The following FAM120B variants were observed in gnomAD, a reference collection of about 807,000 sequenced individuals.
FAM120B encodes family with sequence similarity 120 member B.
FAM120B carries 83 observed loss-of-function variants against 96.3 expected under a neutral mutation model. The observed-to-expected ratio is 0.86, with a 90% CI of 0.72 to 1.03. FAM120B has a LOEUF of 1.03. Ranked by LOEUF, FAM120B falls within the 50% of genes least tolerant of loss-of-function variation. The pLI is 0.00. For missense variants in FAM120B, 1,027 were observed against 1,121.2 expected (o/e 0.92, Z 1.20); for synonymous variants, 407 against 402.7 (o/e 1.01, Z -0.13).
intron 1 of FAM120B, among the ~76,000 whole-genome samples, chr6:170,310,542 T>C (rs1223673248): frequency 1.3e-5 from 2 of 152,216 alleles, no homozygotes; most frequent in South Asian, 2.1e-4. Context: ...CTGCCCTCCT[T>C]GTTAATTACT....
chr6:170,294,802 C>A (rs532612136), upstream of FAM120B, among the ~76,000 whole-genome samples: 1 of 152,286 alleles, frequency 6.6e-6, no homozygotes, highest in East Asian at 1.9e-4. This position sits in a 1 kb window ranked among gnomAD's most constrained non-coding sequence, Gnocchi z 7.9. Context: ...TCTGTGTAAA[C>A]AAGTCTGGAG....
intron 6 of FAM120B, among the ~76,000 whole-genome samples, chr6:170,375,644 TC>T (rs1789464795): frequency 6.6e-6 from 1 of 152,206 alleles, no homozygotes; most frequent in Admixed American, 6.5e-5. Context: ...AAATTTGAAT[TC>T]CTGTGATGTG....
At chr6:170,310,424 C>A (rs1784526683) in intron 1 of FAM120B, among the ~76,000 whole-genome samples, 2 of 152,338 alleles carry the variant, frequency 1.3e-5, no homozygotes, top group South Asian at 4.1e-4. Context: ...GCCCTTGCCC[C>A]ACTGGCAGCA....
intron 6 of FAM120B, among the ~76,000 whole-genome samples, chr6:170,361,236 A>ATATATATG (rs1491466643): frequency 1.2e-5 from 1 of 81,022 alleles, no homozygotes; most frequent in Admixed American, 1.4e-4. Context: ...ATATATATAT[A>ATATATATG]CACGTATATA....
intron 5 of FAM120B, among the ~76,000 whole-genome samples, chr6:170,350,942 T>C (rs1189889139): frequency 6.6e-6 from 1 of 152,166 alleles, no homozygotes; most frequent in Admixed American, 6.5e-5. Flanking sequence ...GAGGCTAAAA[T>C]GCCTAAATCG....
intron 5 of FAM120B, among the ~76,000 whole-genome samples, chr6:170,348,728 C>A (rs570603317): frequency 2.6e-5 from 4 of 152,302 alleles, no homozygotes; most frequent in South Asian, 2.1e-4. Flanking sequence ...TCTCGTAGCT[C>A]TTTGCCTCTG....
chr6:170,309,726 A>T (rs1366382752), intron 1 of FAM120B, among the ~76,000 whole-genome samples: 3 of 152,234 alleles, frequency 2.0e-5, no homozygotes, highest in Non-Finnish European at 2.9e-5. Flanking sequence ...AACCATGGCT[A>T]ACTATGATAA....
chr6:170,380,608 G>A (rs1333457131), intron 6 of FAM120B, among the ~76,000 whole-genome samples: 1 of 152,228 alleles, frequency 6.6e-6, no homozygotes, highest in African/African-American at 2.4e-5. Context: ...ATTAGTGTCG[G>A]ACACCTTGCG....
At chr6:170,358,406 G>A (rs1245116144) in intron 6 of FAM120B, 88 bp downstream of exon 6, 3 of 949,734 alleles carry the variant, frequency 3.2e-6, no homozygotes, top group South Asian at 1.5e-5. Context: ...AAGTTTCACA[G>A]AAAAGATCAG....
At chr6:170,300,538 C>T (rs1385974801) in intron 1 of FAM120B, among the ~76,000 whole-genome samples, 1 of 152,178 alleles carries the variant, frequency 6.6e-6, no homozygotes, top group Non-Finnish European at 1.5e-5. Context: ...GCCCAACGGT[C>T]CCCCAAAGTC....
intron 1 of FAM120B, among the ~76,000 whole-genome samples, chr6:170,315,738 A>T (rs1208916388): frequency 6.6e-6 from 1 of 152,168 alleles, no homozygotes; most frequent in East Asian, 1.9e-4. Flanking sequence ...TAATGTGGCT[A>T]TTAAAAGCAT....
At chr6:170,400,307 G>T (rs969291859) in intron 9 of FAM120B, among the ~76,000 whole-genome samples, 1 of 152,190 alleles carries the variant, frequency 6.6e-6, no homozygotes, top group African/African-American at 2.4e-5. Context: ...GGGGAAGGTA[G>T]AACTATGTCA....
chr6:170,306,471 T>C (rs1784286055), upstream of FAM120B: 2 of 152,190 alleles, frequency 1.3e-5, no homozygotes, highest in Admixed American at 6.5e-5. Context: ...CGCAGGACAG[T>C]GTATGAACAA....
upstream of FAM120B, among the ~76,000 whole-genome samples, chr6:170,304,044 T>C (rs968827643): frequency 5.9e-5 from 9 of 152,226 alleles, no homozygotes; most frequent in Non-Finnish European, 1.0e-4. Context: ...TTCTCCTCTC[T>C]CCTAAGCTGG....
At chr6:170,392,116 T>G (rs1004847262) in intron 8 of FAM120B, among the ~76,000 whole-genome samples, 2 of 152,230 alleles carry the variant, frequency 1.3e-5, no homozygotes, top group African/African-American at 4.8e-5. Flanking sequence ...ATAATCAATT[T>G]TAGGTAAATG....
intron 6 of FAM120B, among the ~76,000 whole-genome samples, chr6:170,376,354 A>C (rs1316800870): frequency 4.6e-5 from 7 of 152,070 alleles, no homozygotes; most frequent in African/African-American, 1.7e-4. Context: ...AATAGATAAG[A>C]ATGAGGTTCA....
chr6:170,291,178 C>T, upstream of FAM120B: 1 of 661,654 alleles, frequency 1.5e-6, no homozygotes, highest in Non-Finnish European at 2.8e-6. Flanking sequence ...TCCCTCACCA[C>T]ACAAAACGCA....
chr6:170,376,938 G>A (rs1406279651), intron 6 of FAM120B, among the ~76,000 whole-genome samples: 22 of 142,832 alleles, frequency 1.5e-4, no homozygotes, highest in African/African-American at 5.9e-4. Context: ...AAACCCAGAC[G>A]CCTGGGAGAG....
chr6:170,334,779 G>T (rs1280441656), intron 4 of FAM120B, among the ~76,000 whole-genome samples: 2 of 152,180 alleles, frequency 1.3e-5, no homozygotes, highest in East Asian at 1.9e-4. Flanking sequence ...AGTCACAAGG[G>T]TTAAATTTTG....
Sources: gnomAD v4.1 joint callset for allele counts (sites outside exome capture counted in the v4.1 genomes callset) on GRCh38, gnomAD v4.1.1 for gene constraint, Gnocchi (gnomAD v3.1) non-coding constraint, MANE v1.5 for transcripts, NCBI Gene and HGNC (gene_info 2026-07-23, HGNC 2026-07-21) for gene names.